The following ASB4 variants were observed in gnomAD, a reference collection of about 807,000 sequenced individuals.
ASB4 encodes ankyrin repeat and SOCS box protein 4.
In ASB4, 35 loss-of-function variants were observed where a neutral mutation model predicts 38.6. That is an observed-to-expected ratio of 0.91 (90% CI 0.69 to 1.20). The LOEUF (loss-of-function observed/expected upper bound fraction) is 1.20, where lower values mean the gene tolerates loss of function less well. ASB4 is among the 50% of genes most tolerant of loss of function. The probability of loss-of-function intolerance (pLI) is 0.00; values close to 1 mark genes in which losing one functional copy is unlikely to be tolerated. For synonymous variants in ASB4, 195 were observed against 201.3 expected (o/e 0.97, Z 0.26); for missense variants, 557 against 527.2 (o/e 1.06, Z -0.55).
intron 2 of ASB4, among the ~76,000 whole-genome samples, chr7:95,508,133 C>A (rs1790435123): frequency 6.6e-6 from 1 of 151,946 alleles, no homozygotes; most frequent in Non-Finnish European, 1.5e-5. Context: ...ACCAGTAGGG[C>A]AGACATTGAA....
At chr7:95,544,794 A>G (rs1791011029), downstream of ASB4, among the ~76,000 whole-genome samples, 1 of 152,126 alleles carries the variant, frequency 6.6e-6, no homozygotes, top group Non-Finnish European at 1.5e-5. Flanking sequence ...TCCCAGGTTC[A>G]AGGGATTCTG....
intron 2 of ASB4, among the ~76,000 whole-genome samples, chr7:95,505,928 CT>C (rs1396273782): frequency 6.6e-6 from 1 of 152,112 alleles, no homozygotes; most frequent in Non-Finnish European, 1.5e-5. Flanking sequence ...GGGTTTCACT[CT>C]GTCACCCAGG....
intron 2 of ASB4, among the ~76,000 whole-genome samples, chr7:95,515,349 C>CT (rs1199285948): frequency 9.9e-6 from 1 of 101,132 alleles, no homozygotes; most frequent in African/African-American, 3.7e-5. Flanking sequence ...TTCTTTCTTT[C>CT]TTTTTCTTTC....
chr7:95,547,405 T>A, the ASB4 span, among the ~76,000 whole-genome samples: 1 of 152,254 alleles, frequency 6.6e-6, no homozygotes, highest in Non-Finnish European at 1.5e-5. Flanking sequence ...TATATTCTTA[T>A]GTGTTTGGCT....
intron 2 of ASB4, among the ~76,000 whole-genome samples, chr7:95,497,922 C>T (rs12533957): frequency 0.18 from 27,899 of 152,004 alleles, 3,406 homozygotes; most frequent in East Asian, 0.37. Flanking sequence ...ATTGATCTAC[C>T]CCCCAGTAGA....
At chr7:95,501,155 G>C (rs369457395) in intron 2 of ASB4, among the ~76,000 whole-genome samples, 4 of 151,882 alleles carry the variant, frequency 2.6e-5, no homozygotes, top group South Asian at 4.2e-4. Flanking sequence ...CTCACTTTTC[G>C]TAATAATGAA....
rs1422657844 is a variant in ASB4 at position 95,539,106 on chromosome 7, C to G, written c.*1347C>G. On this transcript the variant is annotated 3_prime_UTR_variant, in exon 5 of 5. Coordinates refer to ENST00000325885, the MANE Select transcript of ASB4 (RefSeq NM_016116.3). Reference sequence around the variant, plus strand: ...CTTGCTATAATCACTTTTAGATAAGCTCATTGCTCTTAGCATCATTTTTTA... The same window carrying G: ...CTTGCTATAATCACTTTTAGATAAGGTCATTGCTCTTAGCATCATTTTTTA... 1 of 152,044 alleles carries G rather than the reference C, an allele frequency of 6.6e-6. No homozygotes were observed. The highest frequency in any genetic ancestry group is 1.9e-4 in the East Asian group (1 of 5,196). The allele number at this position is 152,044 out of a possible 1,614,324, so 9.4% of individuals were successfully genotyped here.
In ASB4 at chr7:95,537,707, C is replaced by T. The variant is rs267601649; in HGVS notation, c.1229C>T (p.Pro410Leu). The T allele has an allele frequency of 6.2e-7, 1 of 1,613,870 alleles. No homozygotes were observed. The highest frequency in any genetic ancestry group is 8.5e-7 in the Non-Finnish European group (1 of 1,179,846). ...AGAGCAATTCCTTTGCTTTCCCTCCCATTGTCATTGAAAAAGTACTTGCTT... is the reference window on the plus strand; with the variant it reads ...AGAGCAATTCCTTTGCTTTCCCTCCTATTGTCATTGAAAAAGTACTTGCTT... The part of the protein sequence containing the change: ...CHRAIPLLSL[P>L]LSLKKYLLLE... Residue 410 changes from proline (P) to leucine (L), a missense_variant, in exon 5 of 5, where the codon CCA (proline) becomes CTA (leucine). Coordinates refer to ENST00000325885, the MANE Select transcript of ASB4 (RefSeq NM_016116.3).
intron 2 of ASB4, among the ~76,000 whole-genome samples, chr7:95,515,316 T>TCTTC (rs1274522352): frequency 0.093 from 8,875 of 95,596 alleles, 672 homozygotes; most frequent in East Asian, 0.14. Flanking sequence ...TTTCTTTCTT[T>TCTTC]CTTCCTTCCT....
intron 3 of ASB4, among the ~76,000 whole-genome samples, chr7:95,532,419 T>A (rs1422443398): frequency 6.6e-6 from 1 of 152,176 alleles, no homozygotes; most frequent in African/African-American, 2.4e-5. Context: ...TCTCCCAGCG[T>A]AATTCAGAAG....
intron 4 of ASB4, 78 bp from the exon 5 acceptor site, chr7:95,537,493 A>T: frequency 7.9e-7 from 1 of 1,266,832 alleles, no homozygotes; most frequent in Non-Finnish European, 1.1e-6. Context: ...TATAGAGGTT[A>T]GTTGCAGCAT....
chr7:95,483,884 AG>A (rs1415345612), upstream of ASB4, among the ~76,000 whole-genome samples: 3 of 152,232 alleles, frequency 2.0e-5, no homozygotes, highest in African/African-American at 7.2e-5. Context: ...CAACAAAAGC[AG>A]TGTGTCACAG....
intron 3 of ASB4, among the ~76,000 whole-genome samples, chr7:95,536,081 T>C (rs1404334040): frequency 6.6e-6 from 1 of 152,238 alleles, no homozygotes. Context: ...TTTCACTTGC[T>C]CGTGGAAGGT....
At chr7:95,481,382 C>T (rs923214807), upstream of ASB4, among the ~76,000 whole-genome samples, 7 of 151,892 alleles carry the variant, frequency 4.6e-5, no homozygotes, top group Non-Finnish European at 5.9e-5. Context: ...AACAAGATGA[C>T]GTGTAATAAG....
upstream of ASB4, among the ~76,000 whole-genome samples, chr7:95,484,737 T>G (rs1790061095): frequency 6.6e-6 from 1 of 152,150 alleles, no homozygotes; most frequent in Non-Finnish European, 1.5e-5. Flanking sequence ...ATTTGCATTC[T>G]CTTTAGAACT....
At chr7:95,530,337 C>T (rs1305071485) in intron 3 of ASB4, among the ~76,000 whole-genome samples, 3 of 151,982 alleles carry the variant, frequency 2.0e-5, no homozygotes, top group Non-Finnish European at 4.4e-5. Context: ...TTGTGGCGTG[C>T]GCCTGTAGTC....
upstream of ASB4, among the ~76,000 whole-genome samples, chr7:95,483,853 C>T (rs1790046705): frequency 6.6e-6 from 1 of 152,022 alleles, no homozygotes; most frequent in Non-Finnish European, 1.5e-5. Flanking sequence ...AAAGTGCTCC[C>T]TAAAAATGCC....
chr7:95,483,799 G>A (rs932669310), upstream of ASB4, among the ~76,000 whole-genome samples: 49 of 152,050 alleles, frequency 3.2e-4, 1 homozygote, highest in Admixed American at 3.1e-3. Context: ...TACTCGATGG[G>A]TATTTGTGGA....
At chr7:95,509,425 C>T (rs1200796960) in intron 2 of ASB4, among the ~76,000 whole-genome samples, 2 of 152,088 alleles carry the variant, frequency 1.3e-5, no homozygotes, top group African/African-American at 2.4e-5. Context: ...GCCATGTCTC[C>T]GGGCTCATTA....
Sources: gnomAD v4.1 joint callset for allele counts (sites outside exome capture counted in the v4.1 genomes callset) on GRCh38, gnomAD v4.1.1 for gene constraint, MANE v1.5 for transcripts, NCBI Gene and HGNC (gene_info 2026-07-23, HGNC 2026-07-21) for gene names.